The following SGCZ variants were observed in gnomAD, a reference collection of about 807,000 sequenced individuals.
SGCZ encodes the protein zeta-sarcoglycan.
In SGCZ, 40 loss-of-function variants were observed where a neutral mutation model predicts 41.3. The observed-to-expected ratio is 0.97, with a 90% CI of 0.75 to 1.26. SGCZ has a LOEUF of 1.26. Among genes scored for constraint, SGCZ ranks in the 50% most tolerant of loss-of-function variants. SGCZ has a pLI of 0.00. For missense variants in SGCZ, 552 were observed against 369.8 expected (o/e 1.49, Z -4.04); for synonymous variants, 206 against 137.5 (o/e 1.50, Z -3.49).
chr8:14,127,975 A>ATAAG (rs1554463068), intron 5 of SGCZ, among the ~76,000 whole-genome samples: 7 of 152,186 alleles, frequency 4.6e-5, no homozygotes, highest in Non-Finnish European at 1.0e-4. Context: ...CTTTGTATAC[A>ATAAG]TAAGTTCTTA....
chr8:15,180,866 A>G lies in SGCZ; in HGVS notation c.39+56719T>C, dbSNP rs559879782. The stretch of plus-strand genomic sequence containing the variant: ...CATGCCACTGCACTCCAGCCTGGGC[A>G]ACAGAGCGAGACTCCATCTCAAAAA... On this transcript the variant is annotated intron_variant, in intron 1 of 7. Transcript: ENST00000382080. 9.0e-3 allele frequency among the ~76,000 whole-genome samples: 1,366 copies of G among 151,684 alleles called. 12 individuals are homozygous for G. The highest frequency in any genetic ancestry group is 0.012 in the Non-Finnish European group (786 of 67,902).
intron 4 of SGCZ, among the ~76,000 whole-genome samples, chr8:14,205,450 T>C (rs1035799927): frequency 1.3e-5 from 2 of 152,238 alleles, no homozygotes; most frequent in Admixed American, 6.5e-5. Context: ...AAATGTCCAA[T>C]TGATACATGT....
At chr8:14,217,453 T>C (rs1806039415) in intron 4 of SGCZ, among the ~76,000 whole-genome samples, 1 of 151,986 alleles carries the variant, frequency 6.6e-6, no homozygotes, top group African/African-American at 2.4e-5. Context: ...AGAGATGACA[T>C]TGTAAGACGT....
intron 4 of SGCZ, among the ~76,000 whole-genome samples, chr8:14,232,999 A>T: frequency 6.6e-6 from 1 of 152,086 alleles, no homozygotes; most frequent in East Asian, 1.9e-4. Flanking sequence ...CTTGTTTATG[A>T]CATAGGGCCC....
chr8:14,195,971 G>A (rs1805254963), intron 4 of SGCZ, among the ~76,000 whole-genome samples: 1 of 151,982 alleles, frequency 6.6e-6, no homozygotes, highest in Non-Finnish European at 1.5e-5. Context: ...GAAATAAAGG[G>A]TAGTGACCAC....
intron 1 of SGCZ, among the ~76,000 whole-genome samples, chr8:15,229,508 T>C (rs958067587): frequency 2.0e-5 from 3 of 152,162 alleles, no homozygotes; most frequent in African/African-American, 7.2e-5. Flanking sequence ...TTTATAAAAT[T>C]AAATGTAAAT....
chr8:14,323,246 A>T, intron 3 of SGCZ, among the ~76,000 whole-genome samples: 1 of 152,134 alleles, frequency 6.6e-6, no homozygotes, highest in East Asian at 1.9e-4. Flanking sequence ...ATTATGGCTC[A>T]CTATGCAACC....
rs73519400 is a variant in SGCZ, at chr8:14,468,977, C to A, written c.234+85755G>T. ...CCTAATTGAATCTACTGTTATCCTG[C>A]CTTGTTTCCACTATAATAACCTACT... On this transcript the variant is annotated intron_variant, in intron 2 of 7. Transcript: ENST00000382080. Among the ~76,000 whole-genome samples the A allele has an allele frequency of 4.0e-3, 614 of 152,150 alleles. 2 individuals carry two copies. The highest frequency in any genetic ancestry group is 0.014 in the African/African-American group (588 of 41,522).
chr8:14,844,622 G>A (rs1453847607), intron 1 of SGCZ, among the ~76,000 whole-genome samples: 9 of 152,098 alleles, frequency 5.9e-5, no homozygotes, highest in Non-Finnish European at 1.3e-4. Context: ...GAGATTTGGG[G>A]CCTGTTTTTT....
At chr8:14,740,381 G>T (rs1435526995) in intron 1 of SGCZ, among the ~76,000 whole-genome samples, 10 of 143,744 alleles carry the variant, frequency 7.0e-5, no homozygotes, top group African/African-American at 2.4e-4. Flanking sequence ...GTAGGTAGGG[G>T]TGTGTGTGTG....
rs1009543948 is a variant in SGCZ, at chr8:14,130,839, C to T, written c.548-22604G>A. On this transcript the variant is annotated intron_variant, in intron 5 of 7. Transcript: ENST00000382080. The stretch of plus-strand genomic sequence containing the variant: ...GCTCTAGCTTCCCTTTTCTTTGTTG[C>T]CGTGTGTGCAGTAAGCAAGCAAGCA... Among the ~76,000 whole-genome samples the T allele has an allele frequency of 5.7e-4, 86 of 152,180 alleles. 1 individual carries two copies. Among genetic ancestry groups the T allele is most frequent in the African/African-American group, 2.0e-3 (81 of 41,526 alleles).
intron 4 of SGCZ, among the ~76,000 whole-genome samples, chr8:14,176,665 G>C (rs1429905672): frequency 2.0e-5 from 3 of 152,150 alleles, no homozygotes; most frequent in Non-Finnish European, 2.9e-5. Context: ...TTACTCAAGG[G>C]CATATGTCCA....
rs1025831131 is a variant in SGCZ, at chr8:15,187,426, T to C, written c.39+50159A>G. Among the ~76,000 whole-genome samples, 5 of 152,086 alleles carry C rather than the reference T, an allele frequency of 3.3e-5. 1 individual carries two copies. The highest frequency in any genetic ancestry group is 9.6e-5 in the African/African-American group (4 of 41,452). On this transcript the variant is annotated intron_variant, in intron 1 of 7. Coordinates refer to ENST00000382080, the MANE Select transcript of SGCZ (RefSeq NM_139167.4). ...GACATTTTTTAGAACAGGATAGTTT[T>C]AGAAAAGGAGAAAATAATCTCCAGA... is the stretch of plus-strand genomic sequence containing the variant.
In SGCZ at chr8:15,062,531, A is replaced by C. The variant is rs112973168; in HGVS notation, c.39+175054T>G. On this transcript the variant is annotated intron_variant, in intron 1 of 7. Transcript: ENST00000382080. Reference sequence around the variant, plus strand: ...AATAGTCAAGTAGTCATTTGAACATATCTGTATCCATTACGCACACACAGC... The same window carrying C: ...AATAGTCAAGTAGTCATTTGAACATCTCTGTATCCATTACGCACACACAGC... 5.5e-3 allele frequency among the ~76,000 whole-genome samples: 839 copies of C among 152,286 alleles called. 5 individuals are homozygous for C. The highest frequency in any genetic ancestry group is 0.019 in the African/African-American group (795 of 41,590).
At chr8:15,235,444 G>A (rs563069140) in intron 1 of SGCZ, among the ~76,000 whole-genome samples, 1 of 152,224 alleles carries the variant, frequency 6.6e-6, no homozygotes, top group Admixed American at 6.5e-5. Context: ...ATAGATCCTT[G>A]TATCTAACAT....
chr8:15,054,441 C>T (rs1804630205), intron 1 of SGCZ, among the ~76,000 whole-genome samples: 1 of 151,934 alleles, frequency 6.6e-6, no homozygotes, highest in Non-Finnish European at 1.5e-5. Flanking sequence ...CAGGTAAGTA[C>T]CCAGAATTAC....
At chr8:14,623,692 C>T (rs1246164863) in intron 1 of SGCZ, among the ~76,000 whole-genome samples, 1 of 152,108 alleles carries the variant, frequency 6.6e-6, no homozygotes, top group Non-Finnish European at 1.5e-5. Flanking sequence ...AATTTTTAAC[C>T]CCTTTTCCTT....
chr8:14,217,706 T>C (rs969839486), intron 4 of SGCZ, among the ~76,000 whole-genome samples: 7 of 145,232 alleles, frequency 4.8e-5, no homozygotes, highest in Non-Finnish European at 1.1e-4. Context: ...CTCGGCTCAC[T>C]GCAACGTCTC....
At chr8:14,625,353 C>T (rs189036548) in intron 1 of SGCZ, among the ~76,000 whole-genome samples, 55 of 152,174 alleles carry the variant, frequency 3.6e-4, no homozygotes, top group Non-Finnish European at 6.2e-4. Flanking sequence ...TTGGTTCAAA[C>T]GACAGTCCTT....
Sources: gnomAD v4.1 joint callset for allele counts (sites outside exome capture counted in the v4.1 genomes callset) on GRCh38, gnomAD v4.1.1 for gene constraint, MANE v1.5 for transcripts, NCBI Gene and HGNC (gene_info 2026-07-23, HGNC 2026-07-21) for gene names.